Variants in VWA7 observed in about 807,000 individuals in gnomAD.
The protein encoded by VWA7 is von Willebrand factor A domain-containing protein 7.
A neutral mutation model predicts 83.1 loss-of-function variants in VWA7; 66 were observed. That is an observed-to-expected ratio of 0.79 (90% CI 0.65 to 0.98). The LOEUF is 0.98. Among genes scored for constraint, VWA7 ranks in the 50% least tolerant of loss-of-function variants. VWA7 has a pLI of 0.00. For synonymous variants in VWA7, 424 were observed against 488.5 expected (o/e 0.87, Z 1.74); for missense variants, 1,080 against 1,160.2 (o/e 0.93, Z 1.00).
In VWA7 at chr6:31,766,230, G is replaced by C. The variant is rs1811550827; in HGVS notation, c.2324+15C>G. ...GCAAGATGCCAGAGGGAGCTGGAGG[G>C]TTCATGAGCCTCACCTGGAGAGGTT... On this transcript the variant is annotated intron_variant, in intron 15 of 16. Transcript: ENST00000375688. The surrounding 1 kb of genome is among the most constrained non-coding windows in gnomAD (Gnocchi z 4.9). 1 of 1,611,670 alleles carries C rather than the reference G, an allele frequency of 6.2e-7. No homozygotes were observed. Among genetic ancestry groups the C allele is most frequent in the Non-Finnish European group, 8.5e-7 (1 of 1,179,738 alleles).
rs555363572 is a variant in VWA7, at chr6:31,776,793, A to G, written c.-14T>C. ...CGTGGGGAGCATGGCTGAGACATGG[A>G]CCTGGGAGACAGAAGGCTCTCAAGG... is the stretch of plus-strand genomic sequence containing the variant. On this transcript the variant is annotated splice_region_variant and 5_prime_UTR_variant, in exon 2 of 17. Transcript: ENST00000375688. The surrounding 1 kb of genome is among the most constrained non-coding windows in gnomAD (Gnocchi z 6.2). The G allele has an allele frequency of 4.4e-6, 6 of 1,366,866 alleles. No individual in the cohort carries two copies. The South Asian group carries it at 8.5e-5, about 19-fold the overall frequency. The allele number at this position is 1,366,866 out of a possible 1,614,324, so 84.7% of individuals were successfully genotyped here. A position where few individuals can be genotyped will look rare whatever the true frequency, so the allele number is the denominator to read the frequency against.
Position 31,767,716 on chromosome 6 carries a change from C to A in VWA7, c.1542G>T (p.Gly514=), listed in dbSNP as rs1461802310. Residue 514 remains glycine (G), a synonymous_variant, in exon 11 of 17, where the codon GGG becomes GGT. Transcript: ENST00000375688. ...LPLDPPVVVP[G]QPLVFSVDGL... ...CATCCACGCTGAACACAAGTGGCTG[C>A]CCAGGCACCACAACAGGAGGGTCCA... 4 of 1,612,802 alleles carry A rather than the reference C, an allele frequency of 2.5e-6. No homozygotes were observed. Among genetic ancestry groups the A allele is most frequent in the Non-Finnish European group, 3.4e-6 (4 of 1,178,920 alleles).
At chr6:31,767,304 G>A (rs1002603558) in intron 12 of VWA7, 54 bp from the exon 13 acceptor site, 20 of 1,612,614 alleles carry the variant, frequency 1.2e-5, no homozygotes, top group African/African-American at 9.4e-5. Flanking sequence ...GTGACTGATC[G>A]TGTTCTCTGA....
intron 7 of VWA7, among the ~76,000 whole-genome samples, chr6:31,770,571 CAAA>C (rs9281576): frequency 3.6e-5 from 3 of 82,310 alleles, no homozygotes; most frequent in Non-Finnish European, 6.8e-5. Flanking sequence ...GACTCCATCT[CAAA>C]AAAAAAAAAA....
rs137906227 is a variant in VWA7, at chr6:31,769,171, C to T, written c.1350G>A (p.Arg450=). Residue 450 remains arginine (R), a synonymous_variant, in exon 10 of 17, where the codon AGG becomes AGA. Transcript: ENST00000375688. The surrounding 1 kb of genome is among the most constrained non-coding windows in gnomAD (Gnocchi z 4.5). ...TCTCACGCCGAGCTCGACCCTGAAC[C>T]CTTGATGTATCTTCAGTCACCAGGA... The part of the protein sequence containing the change: ...VTFLVTEDTS[R]VQGRARREIL... The T allele has an allele frequency of 9.3e-6, 15 of 1,612,916 alleles. No homozygotes were observed. The African/African-American group carries it at 1.7e-4, about 19-fold the overall frequency.
rs2151389096 is a variant in VWA7, at chr6:31,766,309, G to A, written c.2260C>T (p.Pro754Ser). The A allele has an allele frequency of 6.2e-7, 1 of 1,612,174 alleles. No individual in the cohort carries two copies. Among genetic ancestry groups the A allele is most frequent in the Non-Finnish European group, 8.5e-7 (1 of 1,179,802 alleles). Residue 754 changes from proline to serine, a missense_variant, in exon 15 of 17, where the codon CCT becomes TCT. Coordinates refer to ENST00000375688, the MANE Select transcript of VWA7 (RefSeq NM_025258.3). This position sits in a 1 kb window ranked among gnomAD's most constrained non-coding sequence, Gnocchi z 4.9. ...AAAGTCCTAAGGTCAAGATCCTGAG[G>A]GCCCGAGAAGCTGGCGATGCGGAGA... ...LSLRIASFSG[P>S]QDLDLRTFVN...
intron 4 of VWA7, 64 bp from the exon 5 acceptor site, chr6:31,774,690 C>T (rs867686094): frequency 1.1e-4 from 154 of 1,391,720 alleles, no homozygotes; most frequent in Non-Finnish European, 1.4e-4. Context: ...TCCCCACCCA[C>T]CCAAACCTTT....
At chr6:31,772,926 T>G in intron 7 of VWA7, 28 bp downstream of exon 7, 2 of 1,596,732 alleles carry the variant, frequency 1.3e-6, no homozygotes, top group Non-Finnish European at 1.7e-6. Context: ...TTTCCTCCCC[T>G]CTACTGTCCT....
chr6:31,776,050 C>T lies in VWA7; in HGVS notation c.427G>A (p.Ala143Thr). The T allele has an allele frequency of 6.2e-7, 1 of 1,613,756 alleles. No homozygotes were observed. Among genetic ancestry groups the T allele is most frequent in the Non-Finnish European group, 8.5e-7 (1 of 1,180,018 alleles). Residue 143 changes from alanine (A) to threonine (T), a missense_variant, in exon 3 of 17, where the codon GCT becomes ACT. Ala to Thr is a moderately conservative substitution (Grantham distance 58). Transcript: ENST00000375688. The surrounding 1 kb of genome is among the most constrained non-coding windows in gnomAD (Gnocchi z 6.2). The stretch of plus-strand genomic sequence containing the variant: ...GCTGCCACCACGGTCTCCCGCAGAG[C>T]CCCTACCAGGCGCGCGCGTCCCTGA... ...LGQGRARLVG[A>T]LRETVVAARA...
At position 31,776,216 on chromosome 6, in the gene VWA7, G is replaced by C. The variant is rs758317780; in HGVS notation, c.261C>G (p.Leu87=). The change falls in exon 3 of 17, where the codon CTC becomes CTG. Residue 87 remains leucine (L), a synonymous_variant. Coordinates refer to ENST00000375688, the MANE Select transcript of VWA7 (RefSeq NM_025258.3). This position sits in a 1 kb window ranked among gnomAD's most constrained non-coding sequence, Gnocchi z 6.2. ...AACCAGGTCCAAAGTAGGCGGCAAA[G>C]AGGTCATCAGCAAGGAGTGTTCGAC... ...FLGRTLLADD[L]FAAYFGPGSS... 1 of 1,614,012 alleles carries C rather than the reference G, an allele frequency of 6.2e-7. No homozygotes were observed.
intron 13 of VWA7, 112 bp downstream of exon 13, chr6:31,767,042 GATGT>G (rs1468103397): frequency 4.6e-6 from 2 of 437,550 alleles, no homozygotes; most frequent in African/African-American, 2.1e-5. Context: ...CATATGCACA[GATGT>G]ATGTATACAT....
Position 31,776,574 on chromosome 6 carries a change from C to A in VWA7, c.206G>T (p.Arg69Leu). The A allele has an allele frequency of 1.3e-6, 2 of 1,547,454 alleles. No homozygotes were observed. The highest frequency in any genetic ancestry group is 2.4e-5 in the South Asian group (2 of 83,678). Residue 69 changes from arginine to leucine, a missense_variant, in exon 2 of 17, where the codon CGC (arginine) becomes CTC (leucine). Physicochemically the swap from Arg to Leu is moderately radical, Grantham distance 102. Coordinates refer to ENST00000375688, the MANE Select transcript of VWA7 (RefSeq NM_025258.3). This position sits in a 1 kb window ranked among gnomAD's most constrained non-coding sequence, Gnocchi z 6.2. Reference protein sequence around the residue: ...QLFLEQPPPGRPPLRLEDFLG... With the variant: ...QLFLEQPPPGLPPLRLEDFLG... ...GAAGTCCTCAAGACGAAGAGGGGGG[C>A]GGCCTGGGGGTGGCTGCTCCAGGAA...
Position 31,767,514 on chromosome 6 carries a change from C to A in VWA7, c.1637G>T (p.Gly546Val). ...GCCTTCCTCCTGGCCCTGGGAGACC[C>A]CTGGGGTCAGGGAAGAGATTGTCAC... ...ISSFWIKNPA[G>V]VSQGQEEGGG... The change falls in exon 12 of 17, where the codon GGG (glycine) becomes GTG (valine). Residue 546 changes from glycine to valine, a missense_variant and splice_region_variant. Coordinates refer to ENST00000375688, the MANE Select transcript of VWA7 (RefSeq NM_025258.3). The A allele has an allele frequency of 6.2e-7, 1 of 1,607,578 alleles. No individual in the cohort carries two copies. Among genetic ancestry groups the A allele is most frequent in the Non-Finnish European group, 8.5e-7 (1 of 1,174,968 alleles).
Position 31,766,125 on chromosome 6 carries a change from G to C in VWA7, c.2325-68C>G. 6.3e-7 allele frequency: 1 copy of C among 1,598,546 alleles called. No homozygotes were observed. On this transcript the variant is annotated intron_variant, in intron 15 of 16. Coordinates refer to ENST00000375688, the MANE Select transcript of VWA7 (RefSeq NM_025258.3). The surrounding 1 kb of genome is among the most constrained non-coding windows in gnomAD (Gnocchi z 4.9). ...AGAGCCTAGAGTCGGGACGCCTGCA[G>C]GGGCACGGGAGCGGAGAGGAGGATT... is the stretch of plus-strand genomic sequence containing the variant.
chr6:31,770,229 A>C, intron 7 of VWA7, 116 bp from the exon 8 acceptor site: 1 of 755,084 alleles, frequency 1.3e-6, no homozygotes, highest in East Asian at 2.7e-5. Flanking sequence ...AGGTATTGAA[A>C]TAACAATACT....
Position 31,766,098 on chromosome 6 carries a change from C to T in VWA7, c.2325-41G>A, listed in dbSNP as rs754299954. The stretch of plus-strand genomic sequence containing the variant: ...AGGCGTCGCTAAAGCTCCAGGCTGC[C>T]CAGAGCCTAGAGTCGGGACGCCTGC... On this transcript the variant is annotated intron_variant, in intron 15 of 16. Transcript: ENST00000375688. This position sits in a 1 kb window ranked among gnomAD's most constrained non-coding sequence, Gnocchi z 4.9. 1.9e-6 allele frequency: 3 copies of T among 1,609,522 alleles called. No individual in the cohort carries two copies. Among genetic ancestry groups the T allele is most frequent in the Non-Finnish European group, 2.5e-6 (3 of 1,177,884 alleles).
At chr6:31,767,053 A>C in intron 13 of VWA7, 105 bp downstream of exon 13, 1 of 374,948 alleles carries the variant, frequency 2.7e-6, no homozygotes, top group Non-Finnish European at 4.8e-6. Flanking sequence ...ATGTATGTAT[A>C]CATATATACA....
At chr6:31,765,822 T>A (rs1383726698) in intron 16 of VWA7, 52 bp from the exon 17 acceptor site, 1 of 1,598,702 alleles carries the variant, frequency 6.3e-7, no homozygotes, top group Non-Finnish European at 8.5e-7. Context: ...GTACTCAAAT[T>A]AAACCTACAC....
intron 10 of VWA7, among the ~76,000 whole-genome samples, chr6:31,768,153 A>G (rs1253170475): frequency 2.7e-5 from 4 of 150,408 alleles, no homozygotes; most frequent in African/African-American, 9.8e-5. Context: ...AAAAAAAAAA[A>G]AAAAAAAAAG....
Sources: allele counts gnomAD v4.1 joint callset (sites outside exome capture counted in the v4.1 genomes callset), GRCh38; gene constraint gnomAD v4.1.1; non-coding constraint Gnocchi (gnomAD v3.1); transcripts MANE v1.5; gene names NCBI Gene and HGNC (gene_info 2026-07-23, HGNC 2026-07-21).